DUSP18: variants seen among roughly 807,000 people sequenced by gnomAD.
DUSP18 encodes the protein dual specificity protein phosphatase 18.
Under a neutral mutation model 6.3 loss-of-function variants are expected in DUSP18, and 4 were observed. The observed-to-expected ratio is 0.63, with a 90% CI of 0.31 to 1.45. The LOEUF is 1.45. Among genes scored for constraint, DUSP18 ranks in the 40% most tolerant of loss-of-function variants. The pLI is 0.07. For synonymous variants in DUSP18, 96 were observed against 95.1 expected (o/e 1.01, Z -0.05); for missense variants, 235 against 247.7 (o/e 0.95, Z 0.34).
Position 30,663,860 on chromosome 22 carries a change from C to G in DUSP18, c.144G>C (p.Met48Ile). 6.2e-7 allele frequency: 1 copy of G among 1,614,166 alleles called. No homozygotes were observed. The highest frequency in any genetic ancestry group is 8.5e-7 in the Non-Finnish European group (1 of 1,180,034). The change falls in exon 2 of 2, where the codon ATG becomes ATC. Residue 48 changes from methionine (M) to isoleucine (I), a missense_variant. Transcript: ENST00000334679. ...KLMLSSNQIT[M>I]VINVSVEVVN... ...CTACCTCCACTGAGACATTGATGAC[C>G]ATGGTGATCTGGTTGCTAGACAGCA... is the stretch of plus-strand genomic sequence containing the variant.
intron 1 of DUSP18, chr22:30,665,252 C>T (rs1370337838): frequency 5.0e-6 from 1 of 200,542 alleles, no homozygotes; most frequent in East Asian, 1.3e-4. Context: ...TGTTTCCCTG[C>T]TTAATATATT....
downstream of DUSP18, among the ~76,000 whole-genome samples, chr22:30,658,077 G>A (rs1365976809): frequency 6.6e-6 from 1 of 151,626 alleles, no homozygotes; most frequent in Non-Finnish European, 1.5e-5. Flanking sequence ...ACAGTATCTA[G>A]CCTGGGCAAC....
intron 2 of DUSP18, among the ~76,000 whole-genome samples, chr22:30,656,439 G>A (rs901629753): frequency 2.0e-5 from 3 of 152,130 alleles, no homozygotes; most frequent in African/African-American, 7.2e-5. Flanking sequence ...TTATCTGACA[G>A]GGCATTATAA....
At chr22:30,652,768 A>G (rs1277361457) in intron 2 of DUSP18, among the ~76,000 whole-genome samples, 1 of 152,232 alleles carries the variant, frequency 6.6e-6, no homozygotes, top group East Asian at 1.9e-4. Context: ...AAAGTGAGTG[A>G]TTCAAGAGAA....
intron 1 of DUSP18, chr22:30,665,612 C>A: frequency 2.2e-6 from 1 of 464,098 alleles, no homozygotes; most frequent in South Asian, 1.6e-5. Flanking sequence ...TCACGTTTGA[C>A]CAACTCTGCT....
chr22:30,660,606 C>G (rs1173576901), downstream of DUSP18, among the ~76,000 whole-genome samples: 1 of 152,186 alleles, frequency 6.6e-6, no homozygotes, highest in Non-Finnish European at 1.5e-5. Context: ...GAAATCATAG[C>G]TGAGAACTTC....
At chr22:30,654,413 T>C in intron 2 of DUSP18, 2 of 453,886 alleles carry the variant, frequency 4.4e-6, no homozygotes, top group Non-Finnish European at 8.8e-6. Flanking sequence ...TAGGCAAACT[T>C]TCTTGTAGGC....
rs2088494560 is a variant in DUSP18, at chr22:30,662,161, G to C, written c.*1276C>G. The C allele has an allele frequency of 6.6e-6, 1 of 152,096 alleles. No individual in the cohort carries two copies. The highest frequency in any genetic ancestry group is 1.5e-5 in the Non-Finnish European group (1 of 68,044). The allele number at this position is 152,096 out of a possible 1,614,324, so 9.4% of individuals were successfully genotyped here. On this transcript the variant is annotated 3_prime_UTR_variant, in exon 2 of 2. Coordinates refer to ENST00000334679, the MANE Select transcript of DUSP18 (RefSeq NM_152511.5). ...TGTGCCGACCTGGGACCAGCAGGGT[G>C]AAAGAGTCTATCATTCATGATGAGA... is the stretch of plus-strand genomic sequence containing the variant.
At chr22:30,654,562 C>G (rs2088295049) in intron 2 of DUSP18, 9 of 448,656 alleles carry the variant, frequency 2.0e-5, no homozygotes, top group Non-Finnish European at 3.1e-5. Context: ...GCCTCGGGGT[C>G]CGCCAGAAGA....
intron 1 of DUSP18, among the ~76,000 whole-genome samples, chr22:30,664,681 T>A (rs967965754): frequency 6.6e-6 from 1 of 152,324 alleles, no homozygotes; most frequent in East Asian, 1.9e-4. Context: ...CTAAGAACCA[T>A]CTCTTTAAAG....
In DUSP18 at chr22:30,663,750, G is replaced by A. The variant is rs1486343868; in HGVS notation, c.254C>T (p.Pro85Leu). ...PNSRLCDFFD[P>L]IADHIHSVEM... Reference sequence around the variant, plus strand: ...CACGCTGTGGATATGGTCAGCAATAGGGTCAAAGAAGTCACAGAGACGTGA... The same window carrying A: ...CACGCTGTGGATATGGTCAGCAATAAGGTCAAAGAAGTCACAGAGACGTGA... The change falls in exon 2 of 2, where the codon CCT (proline) becomes CTT (leucine). Residue 85 changes from proline (P) to leucine (L), a missense_variant. By Grantham distance (98) the Pro-to-Leu change is moderately conservative (BLOSUM62 -3). Coordinates refer to ENST00000334679, the MANE Select transcript of DUSP18 (RefSeq NM_152511.5). The A allele has an allele frequency of 1.2e-6, 2 of 1,614,188 alleles. No individual in the cohort carries two copies. Among genetic ancestry groups the A allele is most frequent in the Non-Finnish European group, 8.5e-7 (1 of 1,180,040 alleles).
At chr22:30,656,722 G>A (rs2088345345), downstream of DUSP18, among the ~76,000 whole-genome samples, 1 of 152,164 alleles carries the variant, frequency 6.6e-6, no homozygotes, top group African/African-American at 2.4e-5. Context: ...GGAAAAGGAC[G>A]TGGACCCTCT....
chr22:30,666,359 G>A (rs1216381970), intron 1 of DUSP18, among the ~76,000 whole-genome samples: 1 of 152,134 alleles, frequency 6.6e-6, no homozygotes, highest in African/African-American at 2.4e-5. Flanking sequence ...GGTGGCTTAA[G>A]CCTATAATCC....
chr22:30,655,451 AAAAG>A (rs1399835695), intron 2 of DUSP18, among the ~76,000 whole-genome samples: 12 of 151,288 alleles, frequency 7.9e-5, no homozygotes, highest in Non-Finnish European at 1.6e-4. Flanking sequence ...AAAAAAAAGA[AAAAG>A]AAAAAAAGAA....
chr22:30,656,327 G>A (rs527353268), intron 2 of DUSP18, among the ~76,000 whole-genome samples: 15 of 152,204 alleles, frequency 9.9e-5, no homozygotes, highest in African/African-American at 3.1e-4. Flanking sequence ...AGGGCTGTGT[G>A]CTTCAAGGTC....
Position 30,664,091 on chromosome 22 carries a change from G to A in DUSP18, c.-77-11C>T. On this transcript the variant is annotated splice_polypyrimidine_tract_variant and intron_variant, in intron 1 of 1. Transcript: ENST00000334679. ...TGTGTCCATGGAAAACTGCAGAGAGGGAGAGGATGTTTAGAGGGCAGGTGC... is the reference window on the plus strand; with the variant it reads ...TGTGTCCATGGAAAACTGCAGAGAGAGAGAGGATGTTTAGAGGGCAGGTGC... 14 of 1,323,766 alleles carry A rather than the reference G, an allele frequency of 1.1e-5. No homozygotes were observed. Among genetic ancestry groups the A allele is most frequent in the Non-Finnish European group, 1.5e-5 (14 of 963,986 alleles). 82.0% of individuals were successfully genotyped at this position (1,323,766 alleles called of 1,614,324 possible). A position where few individuals can be genotyped will look rare whatever the true frequency, so the allele number is the denominator to read the frequency against.
chr22:30,658,780 C>T (rs1174010107), downstream of DUSP18, among the ~76,000 whole-genome samples: 1 of 152,106 alleles, frequency 6.6e-6, no homozygotes, highest in Non-Finnish European at 1.5e-5. Context: ...GGCAGAACAC[C>T]CAGGTTTCAG....
At chr22:30,653,448 TGCAACCTCCG>T (rs2088266662) in intron 2 of DUSP18, among the ~76,000 whole-genome samples, 3 of 151,638 alleles carry the variant, frequency 2.0e-5, no homozygotes, top group Non-Finnish European at 4.4e-5. Context: ...CTCGGCTCAC[TGCAACCTCCG>T]CCTCCTGGGT....
intron 2 of DUSP18, among the ~76,000 whole-genome samples, chr22:30,655,976 T>C (rs2088331474): frequency 6.6e-6 from 1 of 151,774 alleles, no homozygotes; most frequent in African/African-American, 2.4e-5. Flanking sequence ...GAGGCACCAC[T>C]GCACTGCATC....
Sources: allele counts gnomAD v4.1 joint callset (sites outside exome capture counted in the v4.1 genomes callset), GRCh38; gene constraint gnomAD v4.1.1; transcripts MANE v1.5; gene names NCBI Gene and HGNC (gene_info 2026-07-23, HGNC 2026-07-21).